GLB1L3: variants seen among roughly 807,000 people sequenced by gnomAD.
GLB1L3 encodes the protein galactosidase beta 1 like 3, also known as beta-galactosidase-1-like protein 3.
Under a neutral mutation model 89.5 loss-of-function variants are expected in GLB1L3, and 89 were observed. The observed-to-expected ratio is 0.99, with a 90% CI of 0.84 to 1.19. The LOEUF is 1.19. GLB1L3 is among the 50% of genes most tolerant of loss of function. The pLI, the probability that GLB1L3 is intolerant of heterozygous loss-of-function variation, is 0.00. For missense variants in GLB1L3, 812 were observed against 813.3 expected (o/e 1.00, Z 0.02); for synonymous variants, 314 against 312.3 (o/e 1.01, Z -0.06).
At chr11:134,323,748 C>T (rs1201883442), downstream of GLB1L3, among the ~76,000 whole-genome samples, 1 of 152,216 alleles carries the variant, frequency 6.6e-6, no homozygotes, top group Non-Finnish European at 1.5e-5. Context: ...CTTGTAAGGC[C>T]TGTGTTGCTG....
chr11:134,286,383 T>C (rs1043299750), intron 6 of GLB1L3, among the ~76,000 whole-genome samples: 22 of 152,044 alleles, frequency 1.4e-4, no homozygotes, highest in Admixed American at 7.2e-4. Context: ...TTAGGTGGAG[T>C]TGAGGTACAT....
chr11:134,308,464 C>T (rs867763434), intron 10 of GLB1L3, among the ~76,000 whole-genome samples: 19 of 17,938 alleles, frequency 1.1e-3, no homozygotes, highest in Admixed American at 3.6e-3. Flanking sequence ...ACCACCACCA[C>T]CACCACCAAA....
downstream of GLB1L3, among the ~76,000 whole-genome samples, chr11:134,323,523 C>T (rs925974285): frequency 2.0e-5 from 3 of 151,722 alleles, no homozygotes; most frequent in South Asian, 6.3e-4. Flanking sequence ...TGCAGTGAGC[C>T]GAGATGGCAC....
intron 2 of GLB1L3, 62 bp from the exon 3 acceptor site, chr11:134,277,638 C>T (rs894400605): frequency 6.4e-7 from 1 of 1,552,042 alleles, no homozygotes; most frequent in African/African-American, 1.4e-5. Context: ...AGCCGTGCCT[C>T]CGAGCCCTCT....
At chr11:134,303,463 C>T (rs1942043142) in intron 9 of GLB1L3, among the ~76,000 whole-genome samples, 1 of 152,024 alleles carries the variant, frequency 6.6e-6, no homozygotes, top group South Asian at 2.1e-4. Flanking sequence ...TTAAAAAAAT[C>T]AATTTCTGTT....
At chr11:134,297,577 T>C (rs1031227137) in intron 9 of GLB1L3, among the ~76,000 whole-genome samples, 5 of 152,032 alleles carry the variant, frequency 3.3e-5, no homozygotes, top group Non-Finnish European at 5.9e-5. Context: ...ATTTAAAATA[T>C]AGGCCGGGCG....
intron 9 of GLB1L3, among the ~76,000 whole-genome samples, chr11:134,296,784 A>G (rs1321077748): frequency 6.6e-6 from 1 of 150,952 alleles, no homozygotes; most frequent in Non-Finnish European, 1.5e-5. Flanking sequence ...TGGCACATGT[A>G]TACATATGTA....
At chr11:134,291,279 T>C (rs1437233374) in intron 7 of GLB1L3, among the ~76,000 whole-genome samples, 1 of 151,992 alleles carries the variant, frequency 6.6e-6, no homozygotes, top group East Asian at 1.9e-4. Flanking sequence ...TATGCTTTTT[T>C]TTTTTTTTTC....
intron 18 of GLB1L3, 42 bp from the exon 19 acceptor site, chr11:134,318,589 A>G: frequency 7.8e-7 from 1 of 1,276,298 alleles, no homozygotes; most frequent in Admixed American, 1.9e-5. Context: ...TACCTTGCTA[A>G]TGTGAACCAA....
chr11:134,305,250 T>C, intron 9 of GLB1L3: 1 of 739,782 alleles, frequency 1.4e-6, no homozygotes, highest in East Asian at 2.7e-5. Context: ...GTAAAGTGCA[T>C]TCCCTTCACC....
intron 6 of GLB1L3, 105 bp downstream of exon 6, chr11:134,283,950 G>A (rs758312624): frequency 2.0e-5 from 14 of 696,274 alleles, no homozygotes; most frequent in African/African-American, 2.0e-4. Context: ...ATGAACAATT[G>A]AGTTGACTTT....
intron 7 of GLB1L3, 194 bp downstream of exon 7, chr11:134,289,084 A>G (rs1490422819): frequency 9.8e-6 from 5 of 508,740 alleles, no homozygotes; most frequent in Non-Finnish European, 1.7e-5. Flanking sequence ...CTCCCTCAAA[A>G]TTTAGTCACT....
chr11:134,295,849 C>G (rs1941606885), intron 9 of GLB1L3, among the ~76,000 whole-genome samples: 1 of 151,886 alleles, frequency 6.6e-6, no homozygotes, highest in Non-Finnish European at 1.5e-5. Context: ...TTTAAATTTC[C>G]CTTGAGACTT....
chr11:134,317,108 T>C (rs1943018933), intron 18 of GLB1L3: 1 of 152,220 alleles, frequency 6.6e-6, no homozygotes, highest in South Asian at 2.1e-4. Flanking sequence ...TTTATACTTT[T>C]TGTGGATTCT....
At chr11:134,302,801 C>T (rs971429366) in intron 9 of GLB1L3, among the ~76,000 whole-genome samples, 2 of 152,022 alleles carry the variant, frequency 1.3e-5, no homozygotes, top group African/African-American at 4.8e-5. Flanking sequence ...ATGTATTTTG[C>T]GGTACTGGGT....
chr11:134,293,419 G>A (rs1009950056), intron 9 of GLB1L3, among the ~76,000 whole-genome samples: 29 of 152,098 alleles, frequency 1.9e-4, no homozygotes, highest in African/African-American at 1.9e-4. Context: ...TGTGGATCAC[G>A]TCATGGAGAT....
Position 134,314,002 on chromosome 11 carries a change from G to C in GLB1L3, c.1641G>C (p.Leu547=), listed in dbSNP as rs770246489. 6.2e-7 allele frequency: 1 copy of C among 1,612,238 alleles called. No individual in the cohort carries two copies. Among genetic ancestry groups the C allele is most frequent in the Non-Finnish European group, 8.5e-7 (1 of 1,178,680 alleles). The change falls in exon 17 of 20, where the codon CTG becomes CTC. Residue 547 remains leucine, a synonymous_variant. Coordinates refer to ENST00000431683, the MANE Select transcript of GLB1L3 (RefSeq NM_001080407.3). ...SSLEGFTIYS[L]EMKMSFFERL... ...TGGAGGGCTTTACCATCTATTCCCTGGAGATGAAAATGAGCTTCTTTGAGA... is the reference window on the plus strand; with the variant it reads ...TGGAGGGCTTTACCATCTATTCCCTCGAGATGAAAATGAGCTTCTTTGAGA...
At position 134,288,826 on chromosome 11, in the gene GLB1L3, T is replaced by C; in HGVS notation, c.665T>C (p.Val222Ala). ...CGCCAGGCAGGCCCTGTCATCGCGGTGCAAGTGGAGAATGAGTATGGCTCA... is the reference window on the plus strand; with the variant it reads ...CGCCAGGCAGGCCCTGTCATCGCGGCGCAAGTGGAGAATGAGTATGGCTCA... ...QYRQAGPVIA[V>A]QVENEYGSFN... The change falls in exon 7 of 20, where the codon GTG becomes GCG. Residue 222 changes from valine (V) to alanine (A), a missense_variant. Transcript: ENST00000431683. 6.2e-7 allele frequency: 1 copy of C among 1,613,464 alleles called. No individual in the cohort carries two copies. The highest frequency in any genetic ancestry group is 8.5e-7 in the Non-Finnish European group (1 of 1,179,666).
intron 1 of GLB1L3, chr11:134,277,108 G>A: frequency 1.5e-6 from 1 of 652,896 alleles, no homozygotes; most frequent in East Asian, 2.7e-5. Flanking sequence ...GGAGGGTCTA[G>A]GACTGAACGT....
Sources: gnomAD v4.1 joint callset for allele counts (sites outside exome capture counted in the v4.1 genomes callset) on GRCh38, gnomAD v4.1.1 for gene constraint, MANE v1.5 for transcripts, NCBI Gene and HGNC (gene_info 2026-07-23, HGNC 2026-07-21) for gene names.